The following NSD3 variants were observed in gnomAD, a reference collection of about 807,000 sequenced individuals.
NSD3 encodes the protein nuclear receptor binding SET domain protein 3.
Under a neutral mutation model 160.8 loss-of-function variants are expected in NSD3, and 24 were observed. The observed-to-expected ratio is 0.15, with a 90% CI of 0.11 to 0.21. NSD3 has a LOEUF of 0.21. Ranked by LOEUF, NSD3 falls within the 10% of genes least tolerant of loss-of-function variation. NSD3 has a pLI of 1.00. For missense variants in NSD3, 1,157 were observed against 1,735.9 expected (o/e 0.67, Z 5.93); for synonymous variants, 520 against 600.0 (o/e 0.87, Z 1.95).
chr8:38,286,834 C>T (rs978300327), intron 19 of NSD3, among the ~76,000 whole-genome samples: 1 of 152,222 alleles, frequency 6.6e-6, no homozygotes, highest in Non-Finnish European at 1.5e-5. Context: ...GTGCTCTTCT[C>T]CTGCACACAC....
At chr8:38,364,065 G>A (rs149369527) in intron 1 of NSD3, among the ~76,000 whole-genome samples, 10 of 152,126 alleles carry the variant, frequency 6.6e-5, no homozygotes, top group African/African-American at 2.2e-4. Flanking sequence ...TTGAGGTCAG[G>A]AGTTCGAGGT....
At chr8:38,360,978 T>C (rs1810946114) in intron 1 of NSD3, among the ~76,000 whole-genome samples, 1 of 152,154 alleles carries the variant, frequency 6.6e-6, no homozygotes, top group Non-Finnish European at 1.5e-5. Flanking sequence ...AGTTATTAAA[T>C]AACGAAGCAA....
chr8:38,345,879 A>G (rs1585908624), intron 2 of NSD3, among the ~76,000 whole-genome samples: 2 of 152,350 alleles, frequency 1.3e-5, no homozygotes, highest in South Asian at 4.1e-4. Context: ...ACTGCACTCC[A>G]GCATGGACAA....
At chr8:38,304,229 T>C (rs1332972580) in intron 14 of NSD3, among the ~76,000 whole-genome samples, 3 of 152,246 alleles carry the variant, frequency 2.0e-5, no homozygotes, top group Admixed American at 2.0e-4. Context: ...TGGTTTAAGA[T>C]TATGAAATGG....
chr8:38,369,783 T>TTTTTTG (rs561362638), intron 1 of NSD3, among the ~76,000 whole-genome samples: 46 of 152,094 alleles, frequency 3.0e-4, no homozygotes, highest in South Asian at 1.0e-3. Context: ...CCCAGTTTTG[T>TTTTTTG]TTTTTGTTTT....
At chr8:38,314,303 T>A (rs1242143235) in intron 12 of NSD3, among the ~76,000 whole-genome samples, 1 of 152,228 alleles carries the variant, frequency 6.6e-6, no homozygotes, top group African/African-American at 2.4e-5. Flanking sequence ...CACTGATACT[T>A]CTTCCAGTCT....
intron 2 of NSD3, among the ~76,000 whole-genome samples, chr8:38,338,947 T>C (rs1810290397): frequency 6.6e-6 from 1 of 151,976 alleles, no homozygotes; most frequent in African/African-American, 2.4e-5. Context: ...CAAGACCAGC[T>C]TGGCCAGCAT....
chr8:38,372,542 T>G (rs568461016), intron 1 of NSD3, among the ~76,000 whole-genome samples: 1 of 150,674 alleles, frequency 6.6e-6, no homozygotes, highest in Non-Finnish European at 1.5e-5. Context: ...TCGCCCAGGC[T>G]GGCGTGTGAG....
rs561640665 is a variant in NSD3 at position 38,335,091 on chromosome 8, G to A, written c.910+2214C>T. Among the ~76,000 whole-genome samples the A allele has an allele frequency of 1.8e-3, 266 of 150,818 alleles. 2 individuals are homozygous for A. The highest frequency in any genetic ancestry group is 6.2e-3 in the African/African-American group (254 of 41,030). On this transcript the variant is annotated intron_variant, in intron 4 of 23. Transcript: ENST00000317025. Reference sequence around the variant, plus strand: ...CGCAACCTCCACCTCCTGGGTTCAAGTGATTCTCTTGTCTCAGTCACCTGA... The same window carrying A: ...CGCAACCTCCACCTCCTGGGTTCAAATGATTCTCTTGTCTCAGTCACCTGA...
chr8:38,305,419 C>T lies in NSD3; in HGVS notation c.2269G>A (p.Val757Met). Residue 757 changes from valine (V) to methionine (M), a missense_variant, in exon 13 of 24, where the codon GTG (valine) becomes ATG (methionine). Physicochemically the swap from Val to Met is conservative, Grantham distance 21. Transcript: ENST00000317025. ...TGQHPCFSCK[V>M]SGKDVKRCSV... ...CAACGCTTCACATCTTTACCAGACACTTTACACGAAAAACATGGGTGCTGC... is the reference window on the plus strand; with the variant it reads ...CAACGCTTCACATCTTTACCAGACATTTTACACGAAAAACATGGGTGCTGC... The T allele has an allele frequency of 6.2e-7, 1 of 1,614,116 alleles. No homozygotes were observed. The highest frequency in any genetic ancestry group is 2.2e-5 in the East Asian group (1 of 44,882).
Position 38,287,809 on chromosome 8 carries a change from C to T in NSD3, c.3501+678G>A, listed in dbSNP as rs12680565. On this transcript the variant is annotated intron_variant, in intron 19 of 23. Transcript: ENST00000317025. ...CTGGGACTACAGGTGCCCGCTACCA[C>T]GCCCGGCTAATTTTTTGTATTTTTA... 1.6e-3 allele frequency among the ~76,000 whole-genome samples: 244 copies of T among 152,154 alleles called. 4 individuals carry two copies. Among genetic ancestry groups the T allele is most frequent in the East Asian group, 0.014 (70 of 5,166 alleles).
intron 19 of NSD3, among the ~76,000 whole-genome samples, chr8:38,283,411 A>AC (rs1808778558): frequency 2.9e-5 from 2 of 69,910 alleles, no homozygotes. Flanking sequence ...TCTCCCTCCC[A>AC]CCCCCCACCC....
chr8:38,375,633 TC>T (rs1287230826), intron 1 of NSD3, among the ~76,000 whole-genome samples: 1 of 151,988 alleles, frequency 6.6e-6, no homozygotes, highest in African/African-American at 2.4e-5. Flanking sequence ...CTTACATTTG[TC>T]CTTGTTAATA....
intron 11 of NSD3, 98 bp downstream of exon 11, chr8:38,315,318 A>G: frequency 4.5e-6 from 6 of 1,334,858 alleles, no homozygotes; most frequent in Non-Finnish European, 5.9e-6. Flanking sequence ...TATCATAATA[A>G]TTTGGAAACA....
At chr8:38,380,621 C>A (rs1811514949) in intron 1 of NSD3, 1 of 151,908 alleles carries the variant, frequency 6.6e-6, no homozygotes, top group African/African-American at 2.4e-5. Flanking sequence ...TTGTTTGCAA[C>A]CAGAAGGAAG....
intron 6 of NSD3, among the ~76,000 whole-genome samples, chr8:38,328,772 G>A (rs938324826): frequency 6.6e-6 from 1 of 152,176 alleles, no homozygotes; most frequent in Admixed American, 6.5e-5. Flanking sequence ...TAAAGTATAA[G>A]TGCCCTAAAT....
rs377601954 is a variant in NSD3, at chr8:38,374,879, C to T, written c.-45+6920G>A. Reference sequence around the variant, plus strand: ...ATTAGCCGGGCGTGCTGGGGGGCGCCTGTAGTCCCAGCTACTCGGGAGGCT... The same window carrying T: ...ATTAGCCGGGCGTGCTGGGGGGCGCTTGTAGTCCCAGCTACTCGGGAGGCT... On this transcript the variant is annotated intron_variant, in intron 1 of 23. Coordinates refer to ENST00000317025, the MANE Select transcript of NSD3 (RefSeq NM_023034.2). Among the ~76,000 whole-genome samples the T allele has an allele frequency of 1.1e-4, 16 of 152,236 alleles. No homozygotes were observed. In the South Asian group the frequency reaches 2.3e-3, roughly 22 times the overall value.
chr8:38,320,253 C>T (rs943480446), intron 8 of NSD3: 1 of 152,082 alleles, frequency 6.6e-6, no homozygotes, highest in African/African-American at 2.4e-5. Context: ...GAAAAGCTCA[C>T]ATTCTTCCAT....
intron 13 of NSD3, 149 bp downstream of exon 13, chr8:38,305,099 A>G (rs1809366582): frequency 6.5e-6 from 5 of 774,408 alleles, no homozygotes; most frequent in African/African-American, 1.7e-5. Flanking sequence ...TCTACTTAAC[A>G]TGTACTGTGT....
Sources: allele counts gnomAD v4.1 joint callset (sites outside exome capture counted in the v4.1 genomes callset), GRCh38; gene constraint gnomAD v4.1.1; transcripts MANE v1.5; gene names NCBI Gene and HGNC (gene_info 2026-07-23, HGNC 2026-07-21).